The following PASD1 variants were observed in gnomAD, a reference collection of about 807,000 sequenced individuals.
The protein encoded by PASD1 is circadian clock protein PASD1.
In PASD1, 13 loss-of-function variants were observed where a neutral mutation model predicts 58.8. The observed-to-expected ratio is 0.22, with a 90% CI of 0.14 to 0.35. The LOEUF (loss-of-function observed/expected upper bound fraction) is 0.35. PASD1 is among the 10% of genes least tolerant of loss of function. The probability of loss-of-function intolerance (pLI) is 1.00; values close to 1 mark genes in which losing one functional copy is unlikely to be tolerated. For synonymous variants in PASD1, 236 were observed against 216.7 expected (o/e 1.09, Z -0.78); for missense variants, 734 against 568.3 (o/e 1.29, Z -2.96).
chrX:151,613,731 A>C (rs1007014758), intron 4 of PASD1, among the ~76,000 whole-genome samples: 2 of 111,902 alleles, frequency 1.8e-5, no homozygotes, highest in Non-Finnish European at 3.8e-5. Context: ...TATTTTCAGA[A>C]GCATAAAGCT....
In PASD1 at chrX:151,672,288, A is replaced by G. The variant is rs913709249; in HGVS notation, c.1543A>G (p.Met515Val). Residue 515 changes from methionine to valine, a missense_variant, in exon 14 of 16, where the codon ATG (methionine) becomes GTG (valine). Met to Val is a conservative substitution (Grantham distance 21). Coordinates refer to ENST00000370357, the MANE Select transcript of PASD1 (RefSeq NM_173493.3). ...EQRKVQKQKK[M>V]QEKKKLQEQK... is the part of the protein sequence containing the mutation. ...AAGGAAGGTGCAGAAGCAGAAGAAG[A>G]TGCAGGAGAAGAAGAAGCTGCAGGA... 2.6e-6 allele frequency: 3 copies of G among 1,166,948 alleles called. No homozygotes were observed. The highest frequency in any genetic ancestry group is 3.6e-5 in the African/African-American group (2 of 55,805).
At chrX:151,627,059 T>C (rs1287833818) in intron 8 of PASD1, among the ~76,000 whole-genome samples, 1 of 111,697 alleles carries the variant, frequency 9.0e-6, no homozygotes, top group East Asian at 2.8e-4. Context: ...AAAGCTGCAT[T>C]TGTATTAATA....
rs568852077 is a variant in PASD1 at position 151,620,013 on chromosome X, G to A, written c.208-917G>A. Among the ~76,000 whole-genome samples the A allele has an allele frequency of 5.1e-4, 57 of 111,479 alleles. 1 individual carries two copies. In the South Asian group the frequency reaches 0.016, roughly 32 times the overall value. On this transcript the variant is annotated intron_variant, in intron 4 of 15. Transcript: ENST00000370357. ...TAGAATTATAATTGAAGGGAGAGGC[G>A]GTAATGTAAAGGAAGGTTATGCGTT... is the stretch of plus-strand genomic sequence containing the variant.
At chrX:151,625,562 AT>A (rs763536975) in intron 8 of PASD1, 32 bp downstream of exon 8, 1 of 1,052,997 alleles carries the variant, frequency 9.5e-7, no homozygotes, top group African/African-American at 1.9e-5. Context: ...GCTAATGAAG[AT>A]CTAGAATTCA....
rs939435281 is a variant in PASD1 at position 151,563,763 on chromosome X, C to G, written c.-104C>G. On this transcript the variant is annotated 5_prime_UTR_variant, in exon 1 of 16. Transcript: ENST00000370357. ...CGGGCGCCCACCAGGCTCCCGGGCT[C>G]TCACCGGAGACCACAGGGAGGAGCT... The G allele has an allele frequency of 8.9e-6, 1 of 112,410 alleles. No homozygotes were observed. The highest frequency in any genetic ancestry group is 9.3e-5 in the Admixed American group (1 of 10,726). The allele number at this position is 112,410 out of a possible 1,213,427, so 9.3% of individuals were successfully genotyped here.
Position 151,672,209 on chromosome X carries a change from CCTGAAGGAGCAGCAGCGGCAG to C in PASD1, c.1468_1488del (p.Lys490_Leu496del). On this transcript the variant is annotated inframe_deletion, in exon 14 of 16. Transcript: ENST00000370357. ...AGCAACTGGTGCAGCAAGAACAACACCTGAAGGAGCAGCAGCGGCAGCTGCGGGAGCAGCTGCAACAGCTGA... is the reference window on the plus strand; with the variant it reads ...AGCAACTGGTGCAGCAAGAACAACACCTGCGGGAGCAGCTGCAACAGCTGA... 3 of 1,160,266 alleles carry C rather than the reference CCTGAAGGAGCAGCAGCGGCAG, an allele frequency of 2.6e-6. No homozygotes were observed. The highest frequency in any genetic ancestry group is 3.4e-6 in the Non-Finnish European group (3 of 871,036).
intron 9 of PASD1, among the ~76,000 whole-genome samples, chrX:151,650,677 G>A (rs1175596548): frequency 9.0e-6 from 1 of 111,591 alleles, no homozygotes; most frequent in Non-Finnish European, 1.9e-5. Flanking sequence ...CCTGAAACGG[G>A]CAAAAATAAA....
At chrX:151,644,584 T>C (rs1319355776) in intron 8 of PASD1, among the ~76,000 whole-genome samples, 1 of 111,739 alleles carries the variant, frequency 8.9e-6, no homozygotes, top group Non-Finnish European at 1.9e-5. Flanking sequence ...TAAAGCAAAT[T>C]ACAGTATTAT....
At chrX:151,612,540 T>C (rs1056243581) in intron 4 of PASD1, among the ~76,000 whole-genome samples, 1 of 110,847 alleles carries the variant, frequency 9.0e-6, no homozygotes, top group African/African-American at 3.3e-5. Context: ...CTCGTTGTGG[T>C]TTTGATTTGC....
intron 11 of PASD1, 82 bp downstream of exon 11, chrX:151,664,430 C>A: frequency 8.7e-7 from 1 of 1,149,932 alleles, no homozygotes; most frequent in Non-Finnish European, 1.2e-6. Flanking sequence ...ACTCTTGTGA[C>A]CAGTTTCACT....
chrX:151,661,251 T>G (rs1196053967), intron 10 of PASD1, among the ~76,000 whole-genome samples: 1 of 112,280 alleles, frequency 8.9e-6, no homozygotes, highest in African/African-American at 3.2e-5. Context: ...GTCTAAACAC[T>G]GGAAGTATCC....
chrX:151,593,648 T>C (rs1405781749), intron 1 of PASD1, among the ~76,000 whole-genome samples: 1 of 111,768 alleles, frequency 8.9e-6, no homozygotes, highest in Non-Finnish European at 1.9e-5. Flanking sequence ...CTATCATTGA[T>C]GGACATTTGG....
At chrX:151,583,247 G>T (rs1472169131) in intron 1 of PASD1, among the ~76,000 whole-genome samples, 1 of 112,469 alleles carries the variant, frequency 8.9e-6, no homozygotes, top group Non-Finnish European at 1.9e-5. Flanking sequence ...TTTTCCTCAT[G>T]TGTAAAATGG....
In PASD1 at chrX:151,612,826, A is replaced by G. The variant is rs776152837; in HGVS notation, c.207+1073A>G. ...TGCAGAAGCTCTTTAGTTTAATTAG[A>G]TTCCATTTGTCAATTTTGGCTTCTG... On this transcript the variant is annotated intron_variant, in intron 4 of 15. Transcript: ENST00000370357. Among the ~76,000 whole-genome samples the G allele has an allele frequency of 6.3e-5, 7 of 111,702 alleles. No individual in the cohort carries two copies. In the East Asian group the frequency reaches 2.0e-3, roughly 31 times the overall value.
chrX:151,600,233 C>G (rs750420382), intron 1 of PASD1, among the ~76,000 whole-genome samples: 1 of 107,729 alleles, frequency 9.3e-6, no homozygotes, highest in Non-Finnish European at 1.9e-5. Context: ...AGCCTTAGCT[C>G]GGCATCAGAG....
intron 3 of PASD1, among the ~76,000 whole-genome samples, chrX:151,611,434 T>A (rs1375799828): frequency 8.9e-6 from 1 of 112,220 alleles, no homozygotes; most frequent in Non-Finnish European, 1.9e-5. Flanking sequence ...TACATTGAAA[T>A]TTGTTTAAGT....
In PASD1 at chrX:151,676,149, C is replaced by A; in HGVS notation, c.*6C>A. 8.3e-7 allele frequency: 1 copy of A among 1,200,467 alleles called. No homozygotes were observed. The highest frequency in any genetic ancestry group is 1.1e-6 in the Non-Finnish European group (1 of 890,126). On this transcript the variant is annotated 3_prime_UTR_variant, in exon 16 of 16. Transcript: ENST00000370357. ...ACTCAAATAAGCCGTGCTAACAGTA[C>A]TTTCATGACCAGTGATGAGGGGAAA... is the stretch of plus-strand genomic sequence containing the variant.
At chrX:151,576,502 T>A (rs1189743169) in intron 1 of PASD1, among the ~76,000 whole-genome samples, 3 of 112,687 alleles carry the variant, frequency 2.7e-5, no homozygotes, top group Non-Finnish European at 5.6e-5. Context: ...TTTTCACCAA[T>A]GACAACTACA....
chrX:151,633,311 C>T (rs953029954), intron 8 of PASD1, among the ~76,000 whole-genome samples: 1 of 110,877 alleles, frequency 9.0e-6, no homozygotes, highest in Non-Finnish European at 1.9e-5. Context: ...CTCTGTGCTC[C>T]GACACCCACC....
Sources: allele counts gnomAD v4.1 joint callset (sites outside exome capture counted in the v4.1 genomes callset), GRCh38; gene constraint gnomAD v4.1.1; transcripts MANE v1.5; gene names NCBI Gene and HGNC (gene_info 2026-07-23, HGNC 2026-07-21).